BIRC6: variants seen among roughly 807,000 people sequenced by gnomAD.
BIRC6 encodes baculoviral IAP repeat containing 6.
Under a neutral mutation model 503.3 loss-of-function variants are expected in BIRC6, and 98 were observed. The observed-to-expected ratio is 0.19, with a 90% CI of 0.17 to 0.23. The LOEUF (loss-of-function observed/expected upper bound fraction) is 0.23, where lower values mean the gene tolerates loss of function less well. Among genes scored for constraint, BIRC6 ranks in the 10% least tolerant of loss-of-function variants. The pLI is 1.00. For missense variants in BIRC6, 5,360 were observed against 5,806.0 expected (o/e 0.92, Z 2.50); for synonymous variants, 2,240 against 2,078.7 (o/e 1.08, Z -2.11).
chr2:32,380,997 A>G (rs1294020883), intron 3 of BIRC6, among the ~76,000 whole-genome samples: 1 of 152,164 alleles, frequency 6.6e-6, no homozygotes, highest in Admixed American at 6.6e-5. Context: ...GATGTATATG[A>G]GAGACAGTGC....
At chr2:32,545,990 T>A in intron 63 of BIRC6, 130 bp downstream of exon 63, 1 of 837,244 alleles carries the variant, frequency 1.2e-6, no homozygotes, top group Non-Finnish European at 1.8e-6. Context: ...AAAGGATATT[T>A]AAAACAGAAA....
intron 1 of BIRC6, among the ~76,000 whole-genome samples, chr2:32,369,941 AAAAAATATATAT>A (rs1244156201): frequency 3.3e-4 from 15 of 46,026 alleles, no homozygotes; most frequent in African/African-American, 2.1e-3. Flanking sequence ...AAAAAAAAAA[AAAAAATATATAT>A]ATATATATAT....
intron 39 of BIRC6, 37 bp from the exon 40 acceptor site, chr2:32,485,606 G>A (rs1275170648): frequency 7.3e-7 from 1 of 1,363,616 alleles, no homozygotes; most frequent in Admixed American, 1.7e-5. Context: ...AGTAATAATT[G>A]TCAATGTTTT....
intron 49 of BIRC6, among the ~76,000 whole-genome samples, chr2:32,503,688 C>CT (rs984164970): frequency 1.8e-4 from 27 of 151,682 alleles, no homozygotes; most frequent in South Asian, 4.2e-4. Flanking sequence ...TCCCAAAGTG[C>CT]TGGGATTACA....
At chr2:32,614,702 C>A (rs1218751565) in intron 73 of BIRC6, among the ~76,000 whole-genome samples, 1 of 152,168 alleles carries the variant, frequency 6.6e-6, no homozygotes, top group African/African-American at 2.4e-5. Context: ...TGTGGTGGCT[C>A]ATGCCTGTAG....
chr2:32,617,886 C>A lies in BIRC6; in HGVS notation c.14556C>A (p.Pro4852=). 6.2e-7 allele frequency: 1 copy of A among 1,613,228 alleles called. No homozygotes were observed. Among genetic ancestry groups the A allele is most frequent in the Non-Finnish European group, 8.5e-7 (1 of 1,179,484 alleles). ...QVKPSSSKEL[P]SDFQL ...AACCCAGCAGCAGCAAAGAACTCCC[C>A]AGTGACTTCCAGTTATGAGCTGCAT... The change falls in exon 74 of 74, where the codon CCC becomes CCA. Residue 4852 remains proline, a synonymous_variant. Coordinates refer to ENST00000421745, the MANE Select transcript of BIRC6 (RefSeq NM_016252.4).
intron 23 of BIRC6, among the ~76,000 whole-genome samples, chr2:32,454,606 G>A (rs1003737807): frequency 1.1e-4 from 17 of 152,208 alleles, no homozygotes; most frequent in African/African-American, 2.4e-4. Flanking sequence ...GTCACTGAAG[G>A]GTTTGACTGT....
chr2:32,380,102 GTTC>G (rs1185923335), intron 2 of BIRC6, 48 bp from the exon 3 acceptor site: 4 of 1,294,152 alleles, frequency 3.1e-6, no homozygotes, highest in African/African-American at 1.5e-5. Flanking sequence ...ATTTTTTGTT[GTTC>G]TTGTGTTGAA....
chr2:32,529,258 A>G (rs1401190481), intron 59 of BIRC6: 1 of 156,280 alleles, frequency 6.4e-6, no homozygotes, highest in Non-Finnish European at 1.4e-5. Flanking sequence ...AGCTATGCCC[A>G]TTTACTAGTG....
chr2:32,431,181 C>CTTTTGTTTTTTTTTTTTTTTTTTTT (rs2044060826), intron 12 of BIRC6, 91 bp downstream of exon 12: 1 of 65,364 alleles, frequency 1.5e-5, no homozygotes, highest in African/African-American at 9.7e-5. Flanking sequence ...TACTGTTTAT[C>CTTTTGTTTTTTTTTTTTTTTTTTTT]TTTTTTTTTT....
Position 32,575,382 on chromosome 2 carries a change from T to C in BIRC6, c.13355+16T>C. ...ACCGTTTAAGGTACTATATACAATG[T>C]TCATTTCTCTTGAGTTTGCCTCTAA... On this transcript the variant is annotated intron_variant, in intron 66 of 73. Coordinates refer to ENST00000421745, the MANE Select transcript of BIRC6 (RefSeq NM_016252.4). 2.5e-6 allele frequency: 4 copies of C among 1,607,576 alleles called. No individual in the cohort carries two copies. The highest frequency in any genetic ancestry group is 1.7e-5 in the Admixed American group (1 of 59,968).
intron 31 of BIRC6, 49 bp from the exon 32 acceptor site, chr2:32,470,965 A>C: frequency 6.5e-7 from 1 of 1,533,874 alleles, no homozygotes. Flanking sequence ...TCTAATTAGG[A>C]ATCCTAAAGT....
Position 32,467,615 on chromosome 2 carries a change from C to T in BIRC6, c.5447C>T (p.Ser1816Leu), listed in dbSNP as rs1294452894. ...IPTCGDLASL[S>L]IDIWTLGEEV... ...ACTTGTGGAGACTTGGCCTCTTTGT[C>T]AATTGACATTTGGACATTAGGAGAA... The change falls in exon 27 of 74, where the codon TCA becomes TTA. Residue 1816 changes from serine (S) to leucine (L), a missense_variant. Physicochemically the swap from Ser to Leu is moderately radical, Grantham distance 145 (BLOSUM62 -2). Transcript: ENST00000421745. The T allele has an allele frequency of 6.2e-7, 1 of 1,613,782 alleles. No individual in the cohort carries two copies. Among genetic ancestry groups the T allele is most frequent in the African/African-American group, 1.3e-5 (1 of 74,880 alleles).
intron 73 of BIRC6, among the ~76,000 whole-genome samples, chr2:32,613,986 T>C (rs1309035859): frequency 6.6e-6 from 1 of 152,234 alleles, no homozygotes; most frequent in African/African-American, 2.4e-5. Flanking sequence ...TGTCAGCTGT[T>C]AGCTTTCTCT....
chr2:32,539,943 TC>T (rs2057531114), intron 61 of BIRC6, among the ~76,000 whole-genome samples: 1 of 152,072 alleles, frequency 6.6e-6, no homozygotes, highest in African/African-American at 2.4e-5. Context: ...AAATTGGACA[TC>T]CACAAATGAT....
chr2:32,458,344 G>C (rs1375358403), intron 23 of BIRC6, among the ~76,000 whole-genome samples: 3 of 152,146 alleles, frequency 2.0e-5, no homozygotes, highest in Admixed American at 6.6e-5. Flanking sequence ...ACCTTTCACA[G>C]CTTTAGGGAA....
rs1477589638 is a variant in BIRC6 at position 32,503,110 on chromosome 2, A to G, written c.9373A>G (p.Met3125Val). The change falls in exon 49 of 74, where the codon ATG (methionine) becomes GTG (valine). Residue 3125 changes from methionine (M) to valine (V), a missense_variant. Transcript: ENST00000421745. Reference sequence around the variant, plus strand: ...GGCTATTGTGAACACTGCAAGAAGTATGGTATCAACTATTATGAAATTTCT... The same window carrying G: ...GGCTATTGTGAACACTGCAAGAAGTGTGGTATCAACTATTATGAAATTTCT... Reference protein sequence around the residue: ...TRAIVNTARSMVSTIMKFLDS... With the variant: ...TRAIVNTARSVVSTIMKFLDS... 5 of 1,611,430 alleles carry G rather than the reference A, an allele frequency of 3.1e-6. No individual in the cohort carries two copies. The highest frequency in any genetic ancestry group is 1.1e-5 in the South Asian group (1 of 90,532).
intron 22 of BIRC6, among the ~76,000 whole-genome samples, chr2:32,453,417 A>G (rs2046921094): frequency 6.6e-6 from 1 of 152,210 alleles, no homozygotes; most frequent in Non-Finnish European, 1.5e-5. Flanking sequence ...CTGATTTTAC[A>G]TATAGCCAAC....
At chr2:32,519,134 C>A in intron 57 of BIRC6, 188 bp downstream of exon 57, 1 of 551,366 alleles carries the variant, frequency 1.8e-6, no homozygotes, top group Admixed American at 3.3e-5. Flanking sequence ...TACTTTTAGG[C>A]ACCCCTAATT....
Sources: gnomAD v4.1 joint callset for allele counts (sites outside exome capture counted in the v4.1 genomes callset) on GRCh38, gnomAD v4.1.1 for gene constraint, MANE v1.5 for transcripts, NCBI Gene and HGNC (gene_info 2026-07-23, HGNC 2026-07-21) for gene names.